Variants in PON2 observed in about 807,000 individuals in gnomAD.
PON2 encodes serum paraoxonase/arylesterase 2.
In PON2, 27 loss-of-function variants were observed where a neutral mutation model predicts 36.6. The ratio of observed to expected loss-of-function variants is 0.74; its 90% CI spans 0.54 to 1.02. The LOEUF is 1.02. Among genes scored for constraint, PON2 ranks in the 50% least tolerant of loss-of-function variants. The probability of loss-of-function intolerance (pLI) is 0.00; values close to 1 mark genes in which losing one functional copy is unlikely to be tolerated. For missense variants in PON2, 363 were observed against 421.1 expected (o/e 0.86, Z 1.21); for synonymous variants, 149 against 156.3 (o/e 0.95, Z 0.35).
At position 95,406,236 on chromosome 7, in the gene PON2, C is replaced by G. The variant is rs1206368634; in HGVS notation, c.789G>C (p.Leu263=). 1 of 1,611,002 alleles carries G rather than the reference C, an allele frequency of 6.2e-7. No individual in the cohort carries two copies. The highest frequency in any genetic ancestry group is 8.5e-7 in the Non-Finnish European group (1 of 1,177,410). The part of the protein sequence containing the change: ...MNLTQLKVLE[L]DTLVDNLSID... ...TAGATAAATTATCCACCAGTGTATC[C>G]AGCTCAAGTACCTTCCAAATGAGAA... is the stretch of plus-strand genomic sequence containing the variant. Residue 263 remains leucine, a synonymous_variant, in exon 8 of 9, where the codon CTG becomes CTC. Coordinates refer to ENST00000222572, the MANE Select transcript of PON2 (RefSeq NM_000305.3).
At chr7:95,424,491 CA>C (rs1562791346) in intron 2 of PON2, 23 bp downstream of exon 2, 7 of 1,595,782 alleles carry the variant, frequency 4.4e-6, no homozygotes, top group Non-Finnish European at 6.0e-6. Flanking sequence ...GCAATGTGCC[CA>C]ACAAGCATTT....
chr7:95,434,669 A>G (rs571729922), intron 1 of PON2, among the ~76,000 whole-genome samples: 1 of 152,156 alleles, frequency 6.6e-6, no homozygotes, highest in Admixed American at 6.5e-5. Flanking sequence ...ATTCACTCCA[A>G]ACTTTGCTAG....
intron 6 of PON2, among the ~76,000 whole-genome samples, chr7:95,409,324 C>CAA: frequency 7.1e-6 from 1 of 139,872 alleles, no homozygotes; most frequent in East Asian, 2.1e-4. Context: ...AAAAACAAAA[C>CAA]AAAAAAAAAA....
At position 95,410,373 on chromosome 7, in the gene PON2, G is replaced by T. The variant is rs529414374; in HGVS notation, c.495-272C>A. Among the ~76,000 whole-genome samples, 6 of 152,308 alleles carry T rather than the reference G, an allele frequency of 3.9e-5. No homozygotes were observed. The East Asian group carries it at 5.8e-4, about 15-fold the overall frequency. ...GAAGAAAGAACTTAGTGCCATCAGG[G>T]CATGTTTTTTGACAGCAAGAAATGT... On this transcript the variant is annotated intron_variant, in intron 5 of 8. Coordinates refer to ENST00000222572, the MANE Select transcript of PON2 (RefSeq NM_000305.3).
chr7:95,410,525 AT>A (rs1788897337), intron 5 of PON2, among the ~76,000 whole-genome samples: 1 of 152,092 alleles, frequency 6.6e-6, no homozygotes, highest in Admixed American at 6.6e-5. Context: ...CAGTTCCTGG[AT>A]TTTTCTAATT....
At chr7:95,410,659 T>C (rs753101497) in intron 5 of PON2, among the ~76,000 whole-genome samples, 1 of 152,192 alleles carries the variant, frequency 6.6e-6, no homozygotes, top group Non-Finnish European at 1.5e-5. Context: ...GATGATAAAA[T>C]TGCCATAGTA....
intron 5 of PON2, 99 bp downstream of exon 5, chr7:95,411,554 T>C (rs1320865895): frequency 1.4e-6 from 2 of 1,421,916 alleles, no homozygotes; most frequent in East Asian, 2.3e-5. Flanking sequence ...TTAGCTAATA[T>C]ATACATTAGC....
intron 2 of PON2, among the ~76,000 whole-genome samples, chr7:95,421,074 T>C (rs1423890264): frequency 6.6e-6 from 1 of 152,198 alleles, no homozygotes; most frequent in Non-Finnish European, 1.5e-5. Flanking sequence ...TCTGTTGCCT[T>C]TTGAAGTGCC....
At chr7:95,417,987 T>A (rs1026876573) in intron 2 of PON2, among the ~76,000 whole-genome samples, 11 of 152,096 alleles carry the variant, frequency 7.2e-5, no homozygotes, top group East Asian at 1.9e-4. Context: ...AAATCTTTTT[T>A]TAAAAAAATA....
intron 2 of PON2, chr7:95,418,536 C>G (rs1365182938): frequency 6.6e-6 from 1 of 152,154 alleles, no homozygotes; most frequent in African/African-American, 2.4e-5. Context: ...GTCTTTTTCC[C>G]CTGAAGTTTT....
At chr7:95,434,716 G>A (rs1401026135) in intron 1 of PON2, among the ~76,000 whole-genome samples, 162 bp downstream of exon 1, 4 of 152,176 alleles carry the variant, frequency 2.6e-5, no homozygotes, top group African/African-American at 9.6e-5. Context: ...GGTGATGGGG[G>A]TTCAACTAGC....
At chr7:95,424,425 G>T in intron 2 of PON2, 90 bp downstream of exon 2, 1 of 1,058,512 alleles carries the variant, frequency 9.4e-7, no homozygotes, top group South Asian at 1.3e-5. Context: ...CTGAAAAGCA[G>T]TAATTTCATG....
Position 95,405,159 on chromosome 7 carries a change from T to C in PON2, c.*171A>G, listed in dbSNP as rs1809643978. 1 of 666,182 alleles carries C rather than the reference T, an allele frequency of 1.5e-6. No homozygotes were observed. Among genetic ancestry groups the C allele is most frequent in the Middle Eastern group, 4.4e-4 (1 of 2,294 alleles). The allele number at this position is 666,182 out of a possible 1,614,324, so 41.3% of individuals were successfully genotyped here. ...ATTTTAAAGAACCTGTTCATTTTCCTTTTTTGTTAAAAGTGCTCTAAGAAC... is the reference window on the plus strand; with the variant it reads ...ATTTTAAAGAACCTGTTCATTTTCCCTTTTTGTTAAAAGTGCTCTAAGAAC... On this transcript the variant is annotated 3_prime_UTR_variant, in exon 9 of 9. Transcript: ENST00000222572.
rs141438905 is a variant in PON2, at chr7:95,432,921, C to A, written c.74+1957G>T. On this transcript the variant is annotated intron_variant, in intron 1 of 8. Transcript: ENST00000222572. ...TAGCACCTTTGACTTCTCCCTCATCCCTGGGGTTCCAGAGTTTGGGTCCCT... is the reference window on the plus strand; with the variant it reads ...TAGCACCTTTGACTTCTCCCTCATCACTGGGGTTCCAGAGTTTGGGTCCCT... 4.6e-3 allele frequency among the ~76,000 whole-genome samples: 698 copies of A among 152,296 alleles called. 3 individuals carry two copies. The highest frequency in any genetic ancestry group is 7.7e-3 in the Non-Finnish European group (523 of 68,014).
intron 1 of PON2, among the ~76,000 whole-genome samples, chr7:95,426,524 A>C (rs992345350): frequency 3.3e-5 from 5 of 152,256 alleles, no homozygotes; most frequent in African/African-American, 1.2e-4. Flanking sequence ...CAACTTAGCC[A>C]GAAGTGCTGG....
intron 2 of PON2, among the ~76,000 whole-genome samples, chr7:95,423,349 T>C: frequency 6.6e-6 from 1 of 151,106 alleles, no homozygotes; most frequent in African/African-American, 2.4e-5. Flanking sequence ...AAATTAAAAT[T>C]TAAAAAAAAG....
In PON2 at chr7:95,410,886, A is replaced by AT. The variant is rs200191428; in HGVS notation, c.494+766dup. ...ATGCTTGGATGGTATTTATGCTCCT[A>AT]TTTTTTTTTATCAAGTGCATTTTTG... On this transcript the variant is annotated intron_variant, in intron 5 of 8. Coordinates refer to ENST00000222572, the MANE Select transcript of PON2 (RefSeq NM_000305.3). 5.0e-3 allele frequency among the ~76,000 whole-genome samples: 763 copies of AT among 151,154 alleles called. 8 individuals are homozygous for AT. Among genetic ancestry groups the AT allele is most frequent in the African/African-American group, 0.017 (712 of 41,238 alleles).
chr7:95,435,005 G>C lies in PON2; in HGVS notation c.-54C>G, dbSNP rs1266364161. 1 of 1,480,140 alleles carries C rather than the reference G, an allele frequency of 6.8e-7. No individual in the cohort carries two copies. Among genetic ancestry groups the C allele is most frequent in the South Asian group, 1.3e-5 (1 of 78,676 alleles). 91.7% of individuals were successfully genotyped at this position (1,480,140 alleles called of 1,614,324 possible). A position where few individuals can be genotyped will look rare whatever the true frequency, so the allele number is the denominator to read the frequency against. The stretch of plus-strand genomic sequence containing the variant: ...TCCGGCCTGGCCAGCAGCTCCGTGG[G>C]CGGTGCCATCTTCCCGGCTCGATGG... On this transcript the variant is annotated 5_prime_UTR_variant, in exon 1 of 9. Coordinates refer to ENST00000222572, the MANE Select transcript of PON2 (RefSeq NM_000305.3).
chr7:95,416,598 T>A, intron 2 of PON2: 1 of 422,468 alleles, frequency 2.4e-6, no homozygotes. Flanking sequence ...AACATCCAGA[T>A]GTCCGTATAA....
Sources: gnomAD v4.1 joint callset for allele counts (sites outside exome capture counted in the v4.1 genomes callset) on GRCh38, gnomAD v4.1.1 for gene constraint, MANE v1.5 for transcripts, NCBI Gene and HGNC (gene_info 2026-07-23, HGNC 2026-07-21) for gene names.